MARK1: variants seen among roughly 807,000 people sequenced by gnomAD.
The protein encoded by MARK1 is serine/threonine-protein kinase MARK1.
In MARK1, 40 loss-of-function variants were observed where a neutral mutation model predicts 96.3. The ratio of observed to expected loss-of-function variants is 0.42; its 90% CI spans 0.32 to 0.54. The LOEUF (loss-of-function observed/expected upper bound fraction) is 0.54, where lower values mean the gene tolerates loss of function less well. Ranked by LOEUF, MARK1 falls within the 20% of genes least tolerant of loss-of-function variation. The pLI is 0.16. For synonymous variants in MARK1, 317 were observed against 341.2 expected, an observed-to-expected ratio of 0.93 and a Z score of 0.78; for missense variants, 719 against 984.6, an observed-to-expected ratio of 0.73 and a Z score of 3.61.
intron 13 of MARK1, among the ~76,000 whole-genome samples, chr1:220,642,569 C>A (rs993612738): frequency 6.6e-6 from 1 of 152,166 alleles, no homozygotes; most frequent in Admixed American, 6.5e-5. Context: ...AGAGTCTGGG[C>A]GTTCAGAATG....
chr1:220,633,027 G>T (rs1205149064), intron 11 of MARK1, among the ~76,000 whole-genome samples: 1 of 152,180 alleles, frequency 6.6e-6, no homozygotes, highest in Non-Finnish European at 1.5e-5. Context: ...AGGTGAGGGG[G>T]AGCCAGCATG....
chr1:220,595,119 CTGTT>C (rs1221459208), intron 3 of MARK1, among the ~76,000 whole-genome samples: 1 of 152,176 alleles, frequency 6.6e-6, no homozygotes, highest in African/African-American at 2.4e-5. Context: ...TATATGGAAA[CTGTT>C]TGTACTTCCT....
intron 1 of MARK1, among the ~76,000 whole-genome samples, chr1:220,558,177 ATAT>A (rs1417905037): frequency 4.3e-5 from 6 of 140,564 alleles, no homozygotes; most frequent in Non-Finnish European, 6.3e-5. Flanking sequence ...AATAATAATA[ATAT>A]GGGAAATGGC....
intron 1 of MARK1, among the ~76,000 whole-genome samples, chr1:220,542,635 A>G (rs557295769): frequency 2.1e-4 from 32 of 152,270 alleles, no homozygotes; most frequent in African/African-American, 7.7e-4. Context: ...TGAGTCCAAG[A>G]CTTAGTATTT....
At position 220,528,762 on chromosome 1, in the gene MARK1, C is replaced by A; in HGVS notation, c.-61C>A. ...GTCCGCACCCCTTTCCTGTCGCCCC[C>A]CGGGGCCCGCACCACAGCCCGGCCG... On this transcript the variant is annotated 5_prime_UTR_variant, in exon 1 of 18. Transcript: ENST00000366917. 1.3e-6 allele frequency: 2 copies of A among 1,506,622 alleles called. No individual in the cohort carries two copies. The highest frequency in any genetic ancestry group is 1.8e-6 in the Non-Finnish European group (2 of 1,115,742). The allele number at this position is 1,506,622 out of a possible 1,614,324, so 93.3% of individuals were successfully genotyped here.
At chr1:220,652,266 T>C in intron 15 of MARK1, 116 bp downstream of exon 15, 1 of 769,164 alleles carries the variant, frequency 1.3e-6, no homozygotes, top group Non-Finnish European at 1.9e-6. Context: ...GATTCAGTGT[T>C]TGTTATGGAG....
chr1:220,551,287 C>T (rs1193000039), intron 1 of MARK1, among the ~76,000 whole-genome samples: 3 of 152,224 alleles, frequency 2.0e-5, no homozygotes, highest in Non-Finnish European at 2.9e-5. Flanking sequence ...CACTGACCTT[C>T]AGAGCATATA....
At position 220,661,943 on chromosome 1, in the gene MARK1, G is replaced by A. The variant is rs755347862; in HGVS notation, c.2165G>A (p.Arg722Gln). The A allele has an allele frequency of 2.4e-5, 38 of 1,614,016 alleles. No individual in the cohort carries two copies. Among genetic ancestry groups the A allele is most frequent in the African/African-American group, 1.3e-4 (10 of 74,922 alleles). ...MDPNDMMREI[R>Q]KVLDANNCDY... ...CCTAATGACATGATGAGAGAAATCC[G>A]AAAAGTGTTAGATGCAAATAACTGT... Residue 722 changes from arginine (R) to glutamine (Q), a missense_variant, in exon 18 of 18, where the codon CGA becomes CAA. Arg to Gln is a conservative substitution (Grantham distance 43, BLOSUM62 1). Transcript: ENST00000366917.
intron 1 of MARK1, among the ~76,000 whole-genome samples, chr1:220,574,564 A>C (rs1236735303): frequency 6.6e-6 from 1 of 152,192 alleles, no homozygotes; most frequent in Non-Finnish European, 1.5e-5. Flanking sequence ...CCCCAGCTCG[A>C]AACTGTAACA....
At chr1:220,592,535 T>G (rs929051374) in intron 3 of MARK1, among the ~76,000 whole-genome samples, 1 of 152,046 alleles carries the variant, frequency 6.6e-6, no homozygotes, top group Non-Finnish European at 1.5e-5. Context: ...GGACAACACG[T>G]TGATTGCAGC....
intron 17 of MARK1, among the ~76,000 whole-genome samples, chr1:220,661,426 A>T (rs140755514): frequency 0.015 from 2,319 of 152,290 alleles, 26 homozygotes; most frequent in Non-Finnish European, 0.022. Flanking sequence ...GAAAAAAGAA[A>T]TTTTTTATAT....
intron 14 of MARK1, among the ~76,000 whole-genome samples, chr1:220,651,460 T>C (rs1417526436): frequency 6.6e-6 from 1 of 152,174 alleles, no homozygotes; most frequent in Non-Finnish European, 1.5e-5. Flanking sequence ...ATTTCAGACT[T>C]ATGATTTTTC....
chr1:220,535,448 T>C (rs1012077478), intron 1 of MARK1, among the ~76,000 whole-genome samples: 5 of 152,124 alleles, frequency 3.3e-5, no homozygotes, highest in Non-Finnish European at 7.4e-5. Context: ...TTGCATATAG[T>C]TTTGCTCATA....
intron 1 of MARK1, among the ~76,000 whole-genome samples, chr1:220,564,591 G>T (rs577956573): frequency 3.3e-5 from 5 of 152,196 alleles, no homozygotes; most frequent in African/African-American, 1.2e-4. Flanking sequence ...AACTCAGGTG[G>T]CCTGAGAATT....
chr1:220,575,315 A>C (rs573188364), intron 1 of MARK1, among the ~76,000 whole-genome samples: 1 of 152,366 alleles, frequency 6.6e-6, no homozygotes, highest in South Asian at 2.1e-4. Flanking sequence ...GTTTTCAGAT[A>C]AAGGTAGAAA....
intron 1 of MARK1, among the ~76,000 whole-genome samples, chr1:220,566,642 TAACTA>T (rs1350054709): frequency 6.6e-6 from 1 of 152,094 alleles, no homozygotes; most frequent in Non-Finnish European, 1.5e-5. Context: ...ACAGCAGTAT[TAACTA>T]AACAAATTAT....
intron 1 of MARK1, among the ~76,000 whole-genome samples, chr1:220,556,506 A>AAC (rs1558256445): frequency 6.7e-6 from 1 of 150,096 alleles, no homozygotes. Context: ...AAAAAAAAAA[A>AAC]CAAATTACAG....
intron 16 of MARK1, 57 bp downstream of exon 16, chr1:220,653,409 G>A: frequency 6.6e-7 from 1 of 1,516,802 alleles, no homozygotes; most frequent in Non-Finnish European, 8.9e-7. Context: ...AAGGAAACTA[G>A]ACTTTTTAAA....
At chr1:220,617,688 A>G (rs1304462109) in intron 7 of MARK1, among the ~76,000 whole-genome samples, 1 of 152,356 alleles carries the variant, frequency 6.6e-6, no homozygotes, top group East Asian at 1.9e-4. Context: ...CATCAAGAAG[A>G]GAATCTAGTT....
Sources: gnomAD v4.1 joint callset for allele counts (sites outside exome capture counted in the v4.1 genomes callset) on GRCh38, gnomAD v4.1.1 for gene constraint, MANE v1.5 for transcripts, NCBI Gene and HGNC (gene_info 2026-07-23, HGNC 2026-07-21) for gene names.